STK17B: variants seen among roughly 807,000 people sequenced by gnomAD.
STK17B encodes the protein serine/threonine-protein kinase 17B.
STK17B carries 21 observed loss-of-function variants against 42.0 expected under a neutral mutation model. The ratio of observed to expected loss-of-function variants is 0.50; its 90% CI spans 0.35 to 0.72. The LOEUF (loss-of-function observed/expected upper bound fraction) is 0.72, where lower values mean the gene tolerates loss of function less well. STK17B is among the 30% of genes least tolerant of loss of function. The pLI is 0.00. For missense variants in STK17B, 349 were observed against 446.0 expected (o/e 0.78, Z 1.96); for synonymous variants, 143 against 148.4 (o/e 0.96, Z 0.26).
chr2:196,145,032 T>C (rs1699551187), intron 4 of STK17B, among the ~76,000 whole-genome samples: 2 of 151,458 alleles, frequency 1.3e-5, no homozygotes, highest in Admixed American at 1.3e-4. Flanking sequence ...AGGAAGCTGG[T>C]GGGAGCGTGA....
upstream of STK17B, among the ~76,000 whole-genome samples, chr2:196,171,819 C>A (rs1699950746): frequency 1.5e-5 from 2 of 136,858 alleles, no homozygotes; most frequent in Non-Finnish European, 3.1e-5. Flanking sequence ...CTCGGGCTGC[C>A]GCGAGGGAGG....
At chr2:196,176,184 C>CT (rs908428066), upstream of STK17B, 4 of 152,240 alleles carry the variant, frequency 2.6e-5, no homozygotes, top group Non-Finnish European at 4.4e-5. Context: ...TCCTTCCACT[C>CT]TGTCTTAGGG....
At chr2:196,159,957 C>T (rs1372753627) in intron 2 of STK17B, among the ~76,000 whole-genome samples, 3 of 151,996 alleles carry the variant, frequency 2.0e-5, no homozygotes, top group Non-Finnish European at 4.4e-5. Context: ...CATTTATATA[C>T]TATGAAGGTA....
chr2:196,158,659 T>A (rs4850673), intron 2 of STK17B, among the ~76,000 whole-genome samples: 88,578 of 151,648 alleles, frequency 0.58, 26,671 homozygotes, highest in East Asian at 0.92. Context: ...AATAAAACTG[T>A]GAAATGTGAA....
chr2:196,159,421 T>C (rs1192007346), intron 2 of STK17B, among the ~76,000 whole-genome samples: 5 of 151,716 alleles, frequency 3.3e-5, no homozygotes, highest in Non-Finnish European at 7.4e-5. Context: ...GAAGATTCTC[T>C]TACTTCAGCC....
rs1242808447 is a variant in STK17B at position 196,136,395 on chromosome 2, C to T, written c.*1052G>A. On this transcript the variant is annotated 3_prime_UTR_variant, in exon 8 of 8. Coordinates refer to ENST00000263955, the MANE Select transcript of STK17B (RefSeq NM_004226.4). ...CTCCTCACTCACTAGGAATTTCACA[C>T]AAGAACTTCAGACGAGCCTGATGTC... 1.3e-5 allele frequency: 2 copies of T among 152,588 alleles called. No homozygotes were observed. Among genetic ancestry groups the T allele is most frequent in the East Asian group, 1.9e-4 (1 of 5,196 alleles). The allele number at this position is 152,588 out of a possible 1,614,324, so 9.5% of individuals were successfully genotyped here.
intron 3 of STK17B, chr2:196,153,716 T>A (rs1312672482): frequency 6.6e-6 from 1 of 151,852 alleles, no homozygotes; most frequent in East Asian, 1.9e-4. Context: ...CAAACACCAA[T>A]GACATTATAT....
At chr2:196,145,090 T>C (rs1699551975) in intron 4 of STK17B, among the ~76,000 whole-genome samples, 3 of 150,438 alleles carry the variant, frequency 2.0e-5, no homozygotes, top group Non-Finnish European at 3.0e-5. Context: ...TTTTATCAGT[T>C]GGGGAAATAG....
intron 3 of STK17B, among the ~76,000 whole-genome samples, chr2:196,147,741 T>A (rs1162024613): frequency 1.3e-5 from 2 of 151,408 alleles, no homozygotes; most frequent in African/African-American, 4.8e-5. Context: ...AATATATTTT[T>A]TTTTTTTTTG....
rs1699382837 is a variant in STK17B at position 196,135,354 on chromosome 2, G to C, written c.*2093C>G. Reference sequence around the variant, plus strand: ...CAACTCATCAGTTTTAGATATACAAGGGCTCAATTTAGATTATACAACGTC... The same window carrying C: ...CAACTCATCAGTTTTAGATATACAACGGCTCAATTTAGATTATACAACGTC... On this transcript the variant is annotated 3_prime_UTR_variant, in exon 8 of 8. Transcript: ENST00000263955. The C allele has an allele frequency of 6.6e-6, 1 of 152,084 alleles. No homozygotes were observed. Among genetic ancestry groups the C allele is most frequent in the Non-Finnish European group, 1.5e-5 (1 of 68,030 alleles). The allele number at this position is 152,084 out of a possible 1,614,324, so 9.4% of individuals were successfully genotyped here. A position where few individuals can be genotyped will look rare whatever the true frequency, so the allele number is the denominator to read the frequency against.
chr2:196,158,456 C>T (rs1519596), intron 2 of STK17B, among the ~76,000 whole-genome samples: 152,298 of 152,324 alleles, frequency 1, 76,136 homozygotes, highest in Middle Eastern at 1. Flanking sequence ...TTTGAGAATG[C>T]TTAACTATAA....
chr2:196,170,023 G>A (rs528923580), intron 1 of STK17B, among the ~76,000 whole-genome samples: 1 of 152,288 alleles, frequency 6.6e-6, no homozygotes, highest in East Asian at 1.9e-4. Context: ...AGGCAGATGA[G>A]TTTAAAACTT....
chr2:196,138,385 A>T (rs1699439971), intron 7 of STK17B, among the ~76,000 whole-genome samples: 1 of 152,234 alleles, frequency 6.6e-6, no homozygotes, highest in Admixed American at 6.5e-5. Flanking sequence ...GATACACCAT[A>T]ATTTATTTAA....
chr2:196,176,029 C>T (rs1261155414), upstream of STK17B, among the ~76,000 whole-genome samples: 1 of 152,220 alleles, frequency 6.6e-6, no homozygotes, highest in Non-Finnish European at 1.5e-5. Flanking sequence ...TAAGCCTCTT[C>T]ACATCAGACA....
Position 196,137,718 on chromosome 2 carries a change from G to A in STK17B, c.848C>T (p.Thr283Ile). The A allele has an allele frequency of 1.2e-6, 2 of 1,608,080 alleles. No individual in the cohort carries two copies. The highest frequency in any genetic ancestry group is 1.7e-6 in the Non-Finnish European group (2 of 1,176,730). The change falls in exon 8 of 8, where the codon ACA (threonine) becomes ATA (isoleucine). Residue 283 changes from threonine to isoleucine, a missense_variant. Coordinates refer to ENST00000263955, the MANE Select transcript of STK17B (RefSeq NM_004226.4). ...AGAATGAGAAAGGCATATCTCTGCT[G>A]TTGGTCTTTTCCTTTGAAAGAAAGC... ...LLVKNPEKRP[T>I]AEICLSHSWL...
chr2:196,150,357 C>A (rs1699649809), intron 3 of STK17B, among the ~76,000 whole-genome samples: 1 of 152,134 alleles, frequency 6.6e-6, no homozygotes, highest in East Asian at 1.9e-4. Context: ...AGAAATTCAG[C>A]ATCTATGTTC....
At position 196,152,446 on chromosome 2, in the gene STK17B, T is replaced by C. The variant is rs569638573; in HGVS notation, c.335+3993A>G. 7.9e-5 allele frequency among the ~76,000 whole-genome samples: 12 copies of C among 152,288 alleles called. No individual in the cohort carries two copies. In the South Asian group the frequency reaches 1.5e-3, roughly 18 times the overall value. On this transcript the variant is annotated intron_variant, in intron 3 of 7. Coordinates refer to ENST00000263955, the MANE Select transcript of STK17B (RefSeq NM_004226.4). ...TAAAAGTGATTGTGTGCTGCTCATA[T>C]GGAAGGAAATTTGACAACATCTAAT...
rs370315637 is a variant in STK17B at position 196,138,960 on chromosome 2, ATTATT to A, written c.836+655_836+659del. 7.2e-4 allele frequency among the ~76,000 whole-genome samples: 109 copies of A among 151,678 alleles called. 2 individuals carry two copies. In the East Asian group the frequency reaches 0.016, roughly 23 times the overall value. On this transcript the variant is annotated intron_variant, in intron 7 of 7. Transcript: ENST00000263955. ...AAATGATACTTGTTATGTATGTAAA[ATTATT>A]TTATTTTATTTATTTTTTTGAGACG... is the stretch of plus-strand genomic sequence containing the variant.
chr2:196,161,840 A>G (rs567796231), intron 2 of STK17B, among the ~76,000 whole-genome samples: 1 of 152,112 alleles, frequency 6.6e-6, no homozygotes, highest in Non-Finnish European at 1.5e-5. Flanking sequence ...TTATTTTGCA[A>G]AAGAAAGGCT....
Sources: gnomAD v4.1 joint callset for allele counts (sites outside exome capture counted in the v4.1 genomes callset) on GRCh38, gnomAD v4.1.1 for gene constraint, MANE v1.5 for transcripts, NCBI Gene and HGNC (gene_info 2026-07-23, HGNC 2026-07-21) for gene names.